The following SLC8A1 variants were observed in gnomAD, a reference collection of about 807,000 sequenced individuals.
The protein encoded by SLC8A1 is solute carrier family 8 member A1.
A neutral mutation model predicts 68.3 loss-of-function variants in SLC8A1; 18 were observed. The observed-to-expected ratio is 0.26, with a 90% confidence interval of 0.18 to 0.39. The LOEUF (loss-of-function observed/expected upper bound fraction) is 0.39, where lower values mean the gene tolerates loss of function less well. Among genes scored for constraint, SLC8A1 ranks in the 10% least tolerant of loss-of-function variants. The pLI is 1.00. For missense variants in SLC8A1, 985 were observed against 1,156.7 expected, an observed-to-expected ratio of 0.85 and a Z score of 2.15; for synonymous variants, 475 against 415.5, an observed-to-expected ratio of 1.14 and a Z score of -1.74.
At chr2:40,324,855 G>A (rs2075632928) in intron 2 of SLC8A1, among the ~76,000 whole-genome samples, 1 of 152,152 alleles carries the variant, frequency 6.6e-6, no homozygotes, top group South Asian at 2.1e-4. Context: ...CACACCTGGA[G>A]GAAAAGAACA....
intron 1 of SLC8A1, among the ~76,000 whole-genome samples, chr2:40,438,587 G>A (rs980735602): frequency 6.6e-6 from 1 of 152,084 alleles, no homozygotes; most frequent in Non-Finnish European, 1.5e-5. Flanking sequence ...ATTAATACTA[G>A]GAAGAATTGA....
chr2:40,179,615 G>A (rs1029207210), intron 2 of SLC8A1, among the ~76,000 whole-genome samples: 8 of 152,154 alleles, frequency 5.3e-5, no homozygotes, highest in Admixed American at 5.2e-4. Context: ...TCTGATCAAT[G>A]TTTTTGAAAC....
intron 2 of SLC8A1, among the ~76,000 whole-genome samples, chr2:40,268,520 G>C (rs987382519): frequency 2.0e-5 from 3 of 152,136 alleles, no homozygotes; most frequent in African/African-American, 7.2e-5. Flanking sequence ...GAATGCCTTG[G>C]TACCCCCCAT....
intron 2 of SLC8A1, among the ~76,000 whole-genome samples, chr2:40,308,738 G>C (rs2073134514): frequency 6.6e-6 from 1 of 152,152 alleles, no homozygotes; most frequent in Non-Finnish European, 1.5e-5. Context: ...GGGGGAAAGG[G>C]AGTCAGGTAG....
chr2:40,127,503 C>G (rs969493501), intron 7 of SLC8A1, among the ~76,000 whole-genome samples: 8 of 152,156 alleles, frequency 5.3e-5, no homozygotes, highest in African/African-American at 1.9e-4. Context: ...GAATCCTTCA[C>G]AGAAGGACAT....
In SLC8A1 at chr2:40,275,425, A is replaced by G. The variant is rs371964903; in HGVS notation, c.1809-97570T>C. 3.3e-5 allele frequency among the ~76,000 whole-genome samples: 5 copies of G among 152,206 alleles called. No individual in the cohort carries two copies. In the East Asian group the frequency reaches 9.6e-4, roughly 29 times the overall value. On this transcript the variant is annotated intron_variant, in intron 2 of 7. Coordinates refer to ENST00000406785, the Ensembl canonical transcript of SLC8A1. ...TAAATGAGTATATTACTTTTTTCAAACAAACTGCTCTACCTATGAAGAACA... is the reference window on the plus strand; with the variant it reads ...TAAATGAGTATATTACTTTTTTCAAGCAAACTGCTCTACCTATGAAGAACA...
intron 2 of SLC8A1, among the ~76,000 whole-genome samples, chr2:40,235,323 C>G (rs2060217752): frequency 6.6e-6 from 1 of 151,984 alleles, no homozygotes; most frequent in Non-Finnish European, 1.5e-5. Context: ...CTGGTTTAGT[C>G]TTGGGAGAGT....
intron 1 of SLC8A1, among the ~76,000 whole-genome samples, chr2:40,487,620 T>G (rs1275881666): frequency 6.6e-6 from 1 of 152,146 alleles, no homozygotes; most frequent in Non-Finnish European, 1.5e-5. Flanking sequence ...AATAGTGAAT[T>G]CCTACTCAAC....
rs141714169 is a variant in SLC8A1, at chr2:40,371,009, C to G, written c.1808+57464G>C. Among the ~76,000 whole-genome samples the G allele has an allele frequency of 1.6e-3, 251 of 152,166 alleles. 2 individuals carry two copies. Among genetic ancestry groups the G allele is most frequent in the African/African-American group, 5.7e-3 (238 of 41,534 alleles). ...AGACCACCTACATTTCATTTTCTGA[C>G]TCGGGGTACCTAAGAGGCTGTCTCT... On this transcript the variant is annotated intron_variant, in intron 2 of 7. Coordinates refer to ENST00000406785, the Ensembl canonical transcript of SLC8A1.
chr2:40,142,698 C>A (rs1365488501), intron 6 of SLC8A1, among the ~76,000 whole-genome samples: 2 of 152,014 alleles, frequency 1.3e-5, no homozygotes, highest in East Asian at 3.8e-4. Flanking sequence ...AACACCTTTC[C>A]CGTGAGAGAT....
At chr2:40,129,903 A>T (rs1007488807) in intron 7 of SLC8A1, among the ~76,000 whole-genome samples, 2 of 152,128 alleles carry the variant, frequency 1.3e-5, no homozygotes, top group African/African-American at 4.8e-5. Flanking sequence ...GTTGGCTGGT[A>T]TGGGGTTGGG....
chr2:40,436,861 G>A (rs1055497728), intron 1 of SLC8A1, among the ~76,000 whole-genome samples: 1 of 152,044 alleles, frequency 6.6e-6, no homozygotes, highest in Non-Finnish European at 1.5e-5. Flanking sequence ...ATAATCTTGG[G>A]CTCCATGTGA....
chr2:40,155,122 AATTATT>A (rs71404279), intron 6 of SLC8A1, among the ~76,000 whole-genome samples: 19,693 of 151,430 alleles, frequency 0.13, 1,373 homozygotes, highest in Admixed American at 0.19. Flanking sequence ...GACACAGCAG[AATTATT>A]ATTATTATTA....
chr2:40,103,543 T>C (rs2034023413), exon 8 of SLC8A1: 1 of 152,230 alleles, frequency 6.6e-6, no homozygotes, highest in South Asian at 2.1e-4. Flanking sequence ...TCACATACTT[T>C]AGTAAAAAAT....
At chr2:40,178,101 G>C (rs2048799867) in intron 2 of SLC8A1, among the ~76,000 whole-genome samples, 1 of 152,164 alleles carries the variant, frequency 6.6e-6, no homozygotes, top group Non-Finnish European at 1.5e-5. Flanking sequence ...CCCCATTTTG[G>C]GGTATTTTGG....
At chr2:40,326,856 T>C (rs570012195) in intron 2 of SLC8A1, among the ~76,000 whole-genome samples, 3 of 152,322 alleles carry the variant, frequency 2.0e-5, no homozygotes, top group African/African-American at 7.2e-5. Flanking sequence ...TTAAAGATGA[T>C]TGTGTGGAAA....
intron 2 of SLC8A1, among the ~76,000 whole-genome samples, chr2:40,339,853 T>C (rs1424218258): frequency 6.6e-6 from 1 of 152,226 alleles, no homozygotes; most frequent in Non-Finnish European, 1.5e-5. Context: ...TATATCATTA[T>C]GCAGAAAACA....
chr2:40,448,914 C>T (rs1373559187), intron 1 of SLC8A1, among the ~76,000 whole-genome samples: 1 of 152,042 alleles, frequency 6.6e-6, no homozygotes, highest in African/African-American at 2.4e-5. Context: ...TATAAAGTGA[C>T]AATTTAATGT....
chr2:40,245,438 A>G (rs576527752), intron 2 of SLC8A1, among the ~76,000 whole-genome samples: 25 of 152,336 alleles, frequency 1.6e-4, no homozygotes, highest in Admixed American at 3.3e-4. Context: ...GCAAATCTAA[A>G]GTGGGTTAGT....
Sources: allele counts gnomAD v4.1 joint callset (sites outside exome capture counted in the v4.1 genomes callset), GRCh38; gene constraint gnomAD v4.1.1; transcripts MANE v1.5; gene names NCBI Gene and HGNC (gene_info 2026-07-23, HGNC 2026-07-21).